The following UBE2G1 variants were observed in gnomAD, a reference collection of about 807,000 sequenced individuals.
UBE2G1 encodes ubiquitin conjugating enzyme E2 G1.
UBE2G1 carries 5 observed loss-of-function variants against 22.7 expected under a neutral mutation model. The ratio of observed to expected loss-of-function variants is 0.22; its 90% CI spans 0.12 to 0.46. The LOEUF (loss-of-function observed/expected upper bound fraction) is 0.46. Among genes scored for constraint, UBE2G1 ranks in the 20% least tolerant of loss-of-function variants. The pLI is 0.99. For missense variants in UBE2G1, 88 were observed against 203.9 expected (o/e 0.43, Z 3.46); for synonymous variants, 74 against 67.5 (o/e 1.10, Z -0.47).
At chr17:4,290,397 C>CA (rs1969019695) in intron 3 of UBE2G1, among the ~76,000 whole-genome samples, 1 of 152,162 alleles carries the variant, frequency 6.6e-6, no homozygotes, top group Non-Finnish European at 1.5e-5. Flanking sequence ...TAATCAGAAT[C>CA]AAAGTTTGTA....
rs183742201 is a variant in UBE2G1, at chr17:4,362,222, C to T, written c.46+4049G>A. Among the ~76,000 whole-genome samples the T allele has an allele frequency of 2.2e-4, 33 of 152,202 alleles. No individual in the cohort carries two copies. In the East Asian group the frequency reaches 5.4e-3, roughly 25 times the overall value. The stretch of plus-strand genomic sequence containing the variant: ...GAGTAAGTCATAGTCTAATAATATC[C>T]ACAGAGAAATACACAACCTATCTGA... On this transcript the variant is annotated intron_variant, in intron 1 of 5. Coordinates refer to ENST00000396981, the MANE Select transcript of UBE2G1 (RefSeq NM_003342.5).
At chr17:4,305,563 G>C (rs1361264044) in intron 2 of UBE2G1, among the ~76,000 whole-genome samples, 2 of 152,178 alleles carry the variant, frequency 1.3e-5, no homozygotes, top group Non-Finnish European at 2.9e-5. Flanking sequence ...TCTTTTTTGA[G>C]ACGGAGTCTC....
chr17:4,335,764 T>C (rs1483735615), intron 1 of UBE2G1, among the ~76,000 whole-genome samples: 3 of 152,072 alleles, frequency 2.0e-5, no homozygotes, highest in African/African-American at 7.2e-5. Flanking sequence ...CCACCAACGG[T>C]ATCTTAGACA....
chr17:4,330,750 T>G (rs1969564932), intron 1 of UBE2G1, among the ~76,000 whole-genome samples: 1 of 151,364 alleles, frequency 6.6e-6, no homozygotes. Context: ...ATAAATAAAA[T>G]ATATTTTATT....
intron 5 of UBE2G1, among the ~76,000 whole-genome samples, chr17:4,275,499 T>G (rs1188630100): frequency 1.3e-5 from 2 of 152,306 alleles, no homozygotes; most frequent in African/African-American, 4.8e-5. Flanking sequence ...CTGGAGATGG[T>G]TTACCTCCAA....
At chr17:4,349,842 C>A (rs1475928574) in intron 1 of UBE2G1, among the ~76,000 whole-genome samples, 174 of 132,940 alleles carry the variant, frequency 1.3e-3, no homozygotes, top group Middle Eastern at 4.1e-3. Flanking sequence ...GATTCCGTCT[C>A]AAAAAAAAAA....
chr17:4,329,331 G>A (rs757813655), intron 1 of UBE2G1, among the ~76,000 whole-genome samples: 2 of 151,532 alleles, frequency 1.3e-5, no homozygotes, highest in African/African-American at 4.9e-5. Flanking sequence ...CCTGGGAGGC[G>A]GAGGTTGCAG....
chr17:4,343,427 C>A (rs1969732946), intron 1 of UBE2G1, among the ~76,000 whole-genome samples: 3 of 151,948 alleles, frequency 2.0e-5, no homozygotes, highest in Non-Finnish European at 4.4e-5. Context: ...TTGCTTTAAC[C>A]CAGGAGGCGG....
chr17:4,300,644 T>C (rs1969166607), intron 2 of UBE2G1, among the ~76,000 whole-genome samples: 2 of 151,860 alleles, frequency 1.3e-5, no homozygotes, highest in Admixed American at 1.3e-4. Flanking sequence ...ACAGATGCTA[T>C]AGTATAAGTA....
intron 1 of UBE2G1, among the ~76,000 whole-genome samples, chr17:4,320,440 T>C (rs1440590700): frequency 6.6e-6 from 1 of 152,220 alleles, no homozygotes; most frequent in Non-Finnish European, 1.5e-5. Context: ...AGCTGGGTTG[T>C]CATTCATATG....
At chr17:4,288,676 C>T (rs1264160795) in intron 4 of UBE2G1, among the ~76,000 whole-genome samples, 1 of 152,112 alleles carries the variant, frequency 6.6e-6, no homozygotes, top group African/African-American at 2.4e-5. Context: ...TTCTGCTCTG[C>T]CCATTCCACC....
intron 1 of UBE2G1, among the ~76,000 whole-genome samples, chr17:4,324,130 T>C (rs1356202857): frequency 6.6e-6 from 1 of 152,202 alleles, no homozygotes; most frequent in Non-Finnish European, 1.5e-5. Context: ...AACCCAAGAA[T>C]GTGTATCTTC....
chr17:4,289,536 G>A, intron 3 of UBE2G1, 128 bp from the exon 4 acceptor site: 1 of 1,044,500 alleles, frequency 9.6e-7, no homozygotes, highest in Non-Finnish European at 1.3e-6. Flanking sequence ...AGAAGTTAAT[G>A]TCCAAAATGC....
At chr17:4,347,899 G>A (rs1008858500) in intron 1 of UBE2G1, among the ~76,000 whole-genome samples, 5 of 152,138 alleles carry the variant, frequency 3.3e-5, no homozygotes, top group Non-Finnish European at 7.3e-5. Flanking sequence ...CTTAATAAAC[G>A]TTGTGTGTGT....
chr17:4,316,938 T>TAAAAA (rs33950725), intron 1 of UBE2G1, among the ~76,000 whole-genome samples: 9 of 134,282 alleles, frequency 6.7e-5, no homozygotes, highest in East Asian at 2.2e-4. Context: ...GTCTCTTGAA[T>TAAAAA]AAAAAAAAAA....
At chr17:4,298,894 A>G (rs1329481705) in intron 2 of UBE2G1, among the ~76,000 whole-genome samples, 1 of 152,200 alleles carries the variant, frequency 6.6e-6, no homozygotes, top group African/African-American at 2.4e-5. Context: ...AGGAAGAAGC[A>G]TGAGGGCTTG....
chr17:4,350,292 C>G (rs1170948805), intron 1 of UBE2G1, among the ~76,000 whole-genome samples: 1 of 151,970 alleles, frequency 6.6e-6, no homozygotes, highest in East Asian at 1.9e-4. Context: ...GAAACCTCGT[C>G]TCTACCAAAA....
At chr17:4,330,694 AC>A (rs1280628423) in intron 1 of UBE2G1, among the ~76,000 whole-genome samples, 2 of 151,940 alleles carry the variant, frequency 1.3e-5, no homozygotes, top group Non-Finnish European at 2.9e-5. Context: ...CCAAGATCGC[AC>A]CATTGCGCTC....
chr17:4,291,702 G>GT (rs1265971156), intron 3 of UBE2G1, among the ~76,000 whole-genome samples: 1 of 152,116 alleles, frequency 6.6e-6, no homozygotes, highest in Non-Finnish European at 1.5e-5. Context: ...TTAAAGGATT[G>GT]TATCAATTTA....
Sources: gnomAD v4.1 joint callset for allele counts (sites outside exome capture counted in the v4.1 genomes callset) on GRCh38, gnomAD v4.1.1 for gene constraint, MANE v1.5 for transcripts, NCBI Gene and HGNC (gene_info 2026-07-23, HGNC 2026-07-21) for gene names.